Variants in DLC1 observed in about 807,000 individuals in gnomAD.
The protein encoded by DLC1 is DLC1 Rho GTPase activating protein, also known as rho GTPase-activating protein 7.
DLC1 carries 54 observed loss-of-function variants against 140.3 expected under a neutral mutation model. That is an observed-to-expected ratio of 0.38 (90% CI 0.31 to 0.48). The LOEUF (loss-of-function observed/expected upper bound fraction) is 0.48, where lower values mean the gene tolerates loss of function less well. Ranked by LOEUF, DLC1 falls within the 20% of genes least tolerant of loss-of-function variation. DLC1 has a pLI of 0.96. For missense variants in DLC1, 2,536 were observed against 1,907.0 expected, an observed-to-expected ratio of 1.33 and a Z score of -6.14; for synonymous variants, 986 against 728.1, an observed-to-expected ratio of 1.35 and a Z score of -5.70.
At chr8:13,556,931 C>G (rs575692584) in intron 1 of DLC1, among the ~76,000 whole-genome samples, 136 of 152,266 alleles carry the variant, frequency 8.9e-4, no homozygotes, top group African/African-American at 3.2e-3. Flanking sequence ...CTTTTTCCAG[C>G]CCTGGTGGGG....
At chr8:13,277,151 C>A (rs886497122) in intron 5 of DLC1, among the ~76,000 whole-genome samples, 1 of 151,972 alleles carries the variant, frequency 6.6e-6, no homozygotes, top group Non-Finnish European at 1.5e-5. Flanking sequence ...AAGACCCCAC[C>A]CCTACAAGAA....
At chr8:13,561,076 A>G (rs755964786) in intron 1 of DLC1, among the ~76,000 whole-genome samples, 1 of 151,848 alleles carries the variant, frequency 6.6e-6, no homozygotes, top group East Asian at 1.9e-4. Context: ...ACGAAAGTCA[A>G]TTTGTCTAAC....
chr8:13,107,652 T>G lies in DLC1; in HGVS notation c.1502+3090A>C, dbSNP rs146257502. Among the ~76,000 whole-genome samples, 41 of 152,332 alleles carry G rather than the reference T, an allele frequency of 2.7e-4. 1 individual carries two copies. The highest frequency in any genetic ancestry group is 7.8e-4 in the Admixed American group (12 of 15,294). ...TGAATTCCATAGGCCAAGAAGGTATTTGGAAGAGGCAGGTCTAGCAAATGA... is the reference window on the plus strand; with the variant it reads ...TGAATTCCATAGGCCAAGAAGGTATGTGGAAGAGGCAGGTCTAGCAAATGA... On this transcript the variant is annotated intron_variant, in intron 7 of 17. Coordinates refer to ENST00000276297, the MANE Select transcript of DLC1 (RefSeq NM_182643.3).
At chr8:13,369,538 T>C (rs962768779) in intron 4 of DLC1, among the ~76,000 whole-genome samples, 1 of 152,170 alleles carries the variant, frequency 6.6e-6, no homozygotes, top group Non-Finnish European at 1.5e-5. Context: ...TTTGATGAGT[T>C]CTCTCATTCT....
Position 13,500,004 on chromosome 8 carries a change from T to G in DLC1, c.68A>C (p.Asn23Thr). ...ACATGCTGTGTTACGATCATCAGAATTAAAAGGCTGTCCCATCCAGTGGGT... is the reference window on the plus strand; with the variant it reads ...ACATGCTGTGTTACGATCATCAGAAGTAAAAGGCTGTCCCATCCAGTGGGT... ...HVTHWMGQPFNSDDRNTACHH... is the reference protein window; with the variant it reads ...HVTHWMGQPFTSDDRNTACHH... Residue 23 changes from asparagine (N) to threonine (T), a missense_variant, in exon 2 of 18, where the codon AAT (asparagine) becomes ACT (threonine). Coordinates refer to ENST00000276297, the MANE Select transcript of DLC1 (RefSeq NM_182643.3). The G allele has an allele frequency of 1.3e-5, 21 of 1,614,114 alleles. No individual in the cohort carries two copies. Among genetic ancestry groups the G allele is most frequent in the Non-Finnish European group, 1.8e-5 (21 of 1,179,972 alleles).
intron 1 of DLC1, among the ~76,000 whole-genome samples, chr8:13,537,787 A>G (rs142570763): frequency 0.013 from 1,925 of 150,638 alleles, 21 homozygotes; most frequent in East Asian, 0.035. Context: ...CTGAGTAGCT[A>G]GGACTACAGG....
chr8:13,219,619 C>T (rs1391832947), intron 5 of DLC1, among the ~76,000 whole-genome samples: 2 of 151,722 alleles, frequency 1.3e-5, no homozygotes, highest in Non-Finnish European at 2.9e-5. Flanking sequence ...AAAGCCTTCA[C>T]TAATTCCTTG....
intron 5 of DLC1, among the ~76,000 whole-genome samples, chr8:13,267,120 C>A (rs148387087): frequency 3.9e-4 from 59 of 152,334 alleles, no homozygotes; most frequent in African/African-American, 1.3e-3. Flanking sequence ...GTTTCCAGTG[C>A]AGCCTGAAAT....
chr8:13,191,606 C>A (rs902299497), intron 5 of DLC1, among the ~76,000 whole-genome samples: 2 of 152,196 alleles, frequency 1.3e-5, no homozygotes, highest in African/African-American at 4.8e-5. Context: ...AGAATTTGAT[C>A]ATGGGAGGCT....
intron 4 of DLC1, among the ~76,000 whole-genome samples, chr8:13,354,808 G>T (rs561309213): frequency 6.6e-6 from 1 of 151,756 alleles, no homozygotes; most frequent in South Asian, 2.1e-4. Context: ...AATTAGCTGG[G>T]CATGGTGGTA....
chr8:13,409,374 G>A (rs1837692308), intron 2 of DLC1, among the ~76,000 whole-genome samples: 1 of 152,004 alleles, frequency 6.6e-6, no homozygotes, highest in Non-Finnish European at 1.5e-5. Context: ...GCTTGTTTTG[G>A]TCTCTCAAAT....
chr8:13,385,172 A>G lies in DLC1; in HGVS notation c.1314+8381T>C, dbSNP rs530717436. Among the ~76,000 whole-genome samples, 147 of 152,256 alleles carry G rather than the reference A, an allele frequency of 9.7e-4. 3 individuals carry two copies. The highest frequency in any genetic ancestry group is 2.7e-3 in the South Asian group (13 of 4,824). ...GTTTGCATCATTCTCTGCATTTCAT[A>G]TTATAACTAATTTGGTAAATGCTTA... On this transcript the variant is annotated intron_variant, in intron 4 of 17. Transcript: ENST00000276297.
intron 5 of DLC1, among the ~76,000 whole-genome samples, chr8:13,287,496 G>C (rs1483011602): frequency 2.0e-5 from 3 of 152,166 alleles, no homozygotes; most frequent in African/African-American, 4.8e-5. Context: ...TAAAGTATAA[G>C]AGTAGCTCTA....
intron 1 of DLC1, among the ~76,000 whole-genome samples, chr8:13,569,359 A>C (rs1403215243): frequency 2.4e-4 from 1 of 4,194 alleles, no homozygotes; most frequent in Non-Finnish European, 6.3e-3. Context: ...GTATAAAGAT[A>C]CTATTTTTTT....
intron 5 of DLC1, among the ~76,000 whole-genome samples, chr8:13,144,989 G>A (rs185973137): frequency 6.6e-6 from 1 of 151,986 alleles, no homozygotes; most frequent in African/African-American, 2.4e-5. Context: ...AATTAGAACG[G>A]CCACATTCTC....
intron 5 of DLC1, among the ~76,000 whole-genome samples, chr8:13,156,012 T>A (rs1222479535): frequency 6.6e-6 from 1 of 152,242 alleles, no homozygotes; most frequent in Admixed American, 6.5e-5. Context: ...TCTAGATATA[T>A]CCCTCATTTG....
chr8:13,209,989 A>T (rs1827861276), intron 5 of DLC1, among the ~76,000 whole-genome samples: 1 of 152,174 alleles, frequency 6.6e-6, no homozygotes, highest in South Asian at 2.1e-4. Flanking sequence ...CTAGGCAATA[A>T]GCTAAAATCA....
chr8:13,325,845 T>C (rs1833321455), intron 4 of DLC1, among the ~76,000 whole-genome samples: 1 of 152,222 alleles, frequency 6.6e-6, no homozygotes, highest in African/African-American at 2.4e-5. Context: ...TTTTAATCAG[T>C]CATCCAATAT....
intron 2 of DLC1, among the ~76,000 whole-genome samples, chr8:13,437,679 G>A (rs1839185349): frequency 1.3e-5 from 2 of 152,146 alleles, no homozygotes; most frequent in Admixed American, 6.5e-5. Flanking sequence ...AACTGTGTAG[G>A]CAGAGCTGCA....
Sources: allele counts gnomAD v4.1 joint callset (sites outside exome capture counted in the v4.1 genomes callset), GRCh38; gene constraint gnomAD v4.1.1; transcripts MANE v1.5; gene names NCBI Gene and HGNC (gene_info 2026-07-23, HGNC 2026-07-21).